Variants in ANXA10 observed in about 807,000 individuals in gnomAD.
ANXA10 encodes annexin A10.
ANXA10 carries 49 observed loss-of-function variants against 53.5 expected under a neutral mutation model. The ratio of observed to expected loss-of-function variants is 0.92; its 90% CI spans 0.73 to 1.16. ANXA10 has a LOEUF of 1.16. Among genes scored for constraint, ANXA10 ranks in the 50% most tolerant of loss-of-function variants. ANXA10 has a pLI of 0.00. For synonymous variants in ANXA10, 131 were observed against 128.9 expected (o/e 1.02, Z -0.11); for missense variants, 393 against 394.4 (o/e 1.00, Z 0.03).
chr4:168,183,700 C>A (rs1177318658), intron 10 of ANXA10, among the ~76,000 whole-genome samples: 1 of 152,150 alleles, frequency 6.6e-6, no homozygotes, highest in Non-Finnish European at 1.5e-5. Flanking sequence ...AAATGTTTGT[C>A]AAAAAGCTGC....
chr4:168,133,260 A>G (rs920712058), intron 2 of ANXA10, among the ~76,000 whole-genome samples: 1 of 152,136 alleles, frequency 6.6e-6, no homozygotes, highest in Non-Finnish European at 1.5e-5. Context: ...AATTAGTTAT[A>G]GTACTGTTGA....
chr4:168,155,457 T>A (rs188279688), intron 3 of ANXA10, among the ~76,000 whole-genome samples: 1,002 of 17,622 alleles, frequency 0.057, 41 homozygotes, highest in African/African-American at 0.071. Flanking sequence ...ATTATATATT[T>A]TATAATATAT....
chr4:168,168,477 T>C (rs903178708), intron 6 of ANXA10, among the ~76,000 whole-genome samples: 1 of 152,138 alleles, frequency 6.6e-6, no homozygotes, highest in African/African-American at 2.4e-5. Flanking sequence ...TGGAGTGCAA[T>C]GGTGCAATCT....
chr4:168,155,064 T>G (rs753082128), intron 3 of ANXA10, among the ~76,000 whole-genome samples: 43 of 151,912 alleles, frequency 2.8e-4, no homozygotes, highest in Middle Eastern at 3.4e-3. Flanking sequence ...GCTAGCTGTA[T>G]ACTTCACAGG....
At chr4:168,158,248 T>C (rs1401819057) in intron 3 of ANXA10, among the ~76,000 whole-genome samples, 3 of 152,300 alleles carry the variant, frequency 2.0e-5, no homozygotes, top group Middle Eastern at 6.8e-3. Context: ...TAAGTTTTAT[T>C]TGGTGAAGTT....
chr4:168,128,693 C>G (rs1247513815), intron 2 of ANXA10, among the ~76,000 whole-genome samples: 1 of 152,054 alleles, frequency 6.6e-6, no homozygotes, highest in African/African-American at 2.4e-5. Context: ...GATGAGCCTT[C>G]CTCTCTGAAT....
At chr4:168,115,283 T>C (rs1016410879) in intron 1 of ANXA10, among the ~76,000 whole-genome samples, 1 of 152,120 alleles carries the variant, frequency 6.6e-6, no homozygotes, top group African/African-American at 2.4e-5. Flanking sequence ...CCCTGATACC[T>C]TCACTCCCCC....
chr4:168,133,625 C>A (rs1478611192), intron 2 of ANXA10, among the ~76,000 whole-genome samples: 7 of 152,036 alleles, frequency 4.6e-5, no homozygotes, highest in Non-Finnish European at 8.8e-5. Context: ...TCAATGCTAA[C>A]AAGACTGGCT....
At chr4:168,121,535 ATAGTT>A (rs1204730935) in intron 1 of ANXA10, among the ~76,000 whole-genome samples, 1 of 152,170 alleles carries the variant, frequency 6.6e-6, no homozygotes, top group Non-Finnish European at 1.5e-5. Flanking sequence ...TTTAAAGTGA[ATAGTT>A]TAATTATCAT....
In ANXA10 at chr4:168,096,911, C is replaced by CATATATAT. The variant is rs35451323; in HGVS notation, c.18+4204_18+4211dup. ...TTTGTATCCATTACTAATACAAATG[C>CATATATAT]ATATATATATATATATATGTATGTA... On this transcript the variant is annotated intron_variant, in intron 1 of 11. Coordinates refer to ENST00000359299, the MANE Select transcript of ANXA10 (RefSeq NM_007193.5). Among the ~76,000 whole-genome samples the CATATATAT allele has an allele frequency of 1.5e-3, 162 of 109,646 alleles. 4 individuals carry two copies. The highest frequency in any genetic ancestry group is 5.5e-3 in the African/African-American group (108 of 19,668). 71.9% of individuals were successfully genotyped at this position (109,646 alleles called of 152,430 possible).
Position 168,134,465 on chromosome 4 carries a change from C to T in ANXA10, c.101-5021C>T, listed in dbSNP as rs144504067. The stretch of plus-strand genomic sequence containing the variant: ...CAGAGCGCTAGATTGTGGATAATCT[C>T]AACAGAACAAGAACAAAAAGTAAGA... On this transcript the variant is annotated intron_variant, in intron 2 of 11. Transcript: ENST00000359299. Among the ~76,000 whole-genome samples, 1,115 of 152,124 alleles carry T rather than the reference C, an allele frequency of 7.3e-3. 15 individuals are homozygous for T. Among genetic ancestry groups the T allele is most frequent in the African/African-American group, 0.026 (1,061 of 41,512 alleles).
chr4:168,167,586 T>C (rs1444956684), intron 6 of ANXA10, among the ~76,000 whole-genome samples: 1 of 152,234 alleles, frequency 6.6e-6, no homozygotes, highest in Admixed American at 6.5e-5. Flanking sequence ...TTTAGAGTCC[T>C]CATATTTTGT....
chr4:168,146,803 A>C (rs139982877), intron 3 of ANXA10, among the ~76,000 whole-genome samples: 1 of 152,352 alleles, frequency 6.6e-6, no homozygotes, highest in African/African-American at 2.4e-5. Flanking sequence ...TTTTTCCAAG[A>C]GTTAACCCAA....
At chr4:168,187,146 G>A (rs6552529) in intron 11 of ANXA10, among the ~76,000 whole-genome samples, 98,486 of 151,932 alleles carry the variant, frequency 0.65, 33,323 homozygotes, top group African/African-American at 0.85. Context: ...CCGACTTTAT[G>A]TAAACCACAT....
chr4:168,155,796 T>C (rs796073326), intron 3 of ANXA10, among the ~76,000 whole-genome samples: 2 of 43,054 alleles, frequency 4.6e-5, no homozygotes, highest in African/African-American at 9.9e-5. Context: ...TTATATATAA[T>C]ATATAATATA....
At chr4:168,183,676 A>G (rs1203745546) in intron 10 of ANXA10, among the ~76,000 whole-genome samples, 1 of 152,208 alleles carries the variant, frequency 6.6e-6, no homozygotes, top group Non-Finnish European at 1.5e-5. Flanking sequence ...TGATACCTGA[A>G]GACCTCAAAT....
intron 10 of ANXA10, among the ~76,000 whole-genome samples, chr4:168,182,289 T>C (rs1360131839): frequency 6.6e-6 from 1 of 150,442 alleles, no homozygotes; most frequent in East Asian, 1.9e-4. Flanking sequence ...TTCAGTGTGT[T>C]ATTCAGTCGC....
intron 3 of ANXA10, among the ~76,000 whole-genome samples, chr4:168,154,589 T>C (rs1197523717): frequency 4.6e-5 from 7 of 152,180 alleles, no homozygotes; most frequent in Non-Finnish European, 5.9e-5. Flanking sequence ...AACTGTCAAG[T>C]GCCACTATCC....
At chr4:168,148,385 T>C (rs1203095979) in intron 3 of ANXA10, among the ~76,000 whole-genome samples, 1 of 152,200 alleles carries the variant, frequency 6.6e-6, no homozygotes, top group East Asian at 1.9e-4. Context: ...CAGGCTGGTC[T>C]TGAATTCCTG....
Sources: allele counts gnomAD v4.1 joint callset (sites outside exome capture counted in the v4.1 genomes callset), GRCh38; gene constraint gnomAD v4.1.1; transcripts MANE v1.5; gene names NCBI Gene and HGNC (gene_info 2026-07-23, HGNC 2026-07-21).